CLSTN2: variants seen among roughly 807,000 people sequenced by gnomAD.
The protein encoded by CLSTN2 is calsyntenin-2.
CLSTN2 carries 48 observed loss-of-function variants against 101.2 expected under a neutral mutation model. That is an observed-to-expected ratio of 0.47 (90% CI 0.38 to 0.60). The LOEUF (loss-of-function observed/expected upper bound fraction) is 0.60. CLSTN2 is among the 20% of genes least tolerant of loss of function. The probability of loss-of-function intolerance (pLI) is 0.00; values close to 1 mark genes in which losing one functional copy is unlikely to be tolerated. For missense variants in CLSTN2, 1,160 were observed against 1,238.2 expected (o/e 0.94, Z 0.95); for synonymous variants, 481 against 463.6 (o/e 1.04, Z -0.48).
At chr3:140,544,466 C>T (rs1382333854) in intron 9 of CLSTN2, among the ~76,000 whole-genome samples, 2 of 152,246 alleles carry the variant, frequency 1.3e-5, no homozygotes, top group East Asian at 1.9e-4. Context: ...ACTTCACATT[C>T]GATTCACCTG....
intron 2 of CLSTN2, among the ~76,000 whole-genome samples, chr3:140,379,502 T>C (rs2087955581): frequency 6.6e-6 from 1 of 152,172 alleles, no homozygotes; most frequent in African/African-American, 2.4e-5. Context: ...ACCCCATGAA[T>C]TGGAAGGCTT....
At chr3:140,011,183 C>G (rs1003307824) in intron 1 of CLSTN2, among the ~76,000 whole-genome samples, 12 of 152,166 alleles carry the variant, frequency 7.9e-5, no homozygotes, top group African/African-American at 2.9e-4. Flanking sequence ...AACCTAGAAG[C>G]CTGGTTAGGG....
At chr3:140,074,211 C>T (rs2008444427) in intron 1 of CLSTN2, among the ~76,000 whole-genome samples, 1 of 152,186 alleles carries the variant, frequency 6.6e-6, no homozygotes, top group African/African-American at 2.4e-5. Flanking sequence ...CACCCACTTC[C>T]ACTCAGGGCT....
At chr3:140,199,906 T>C (rs2010696471) in intron 2 of CLSTN2, among the ~76,000 whole-genome samples, 1 of 152,250 alleles carries the variant, frequency 6.6e-6, no homozygotes, top group Admixed American at 6.5e-5. Context: ...AGTGTATGTT[T>C]GAAATTGCAA....
At chr3:140,078,370 A>G (rs2008529177) in intron 1 of CLSTN2, among the ~76,000 whole-genome samples, 1 of 152,178 alleles carries the variant, frequency 6.6e-6, no homozygotes, top group South Asian at 2.1e-4. Flanking sequence ...GGGGGAGATG[A>G]CTGGGGCAGA....
chr3:140,102,155 C>T (rs1219337873), intron 1 of CLSTN2, among the ~76,000 whole-genome samples: 1 of 152,192 alleles, frequency 6.6e-6, no homozygotes. Flanking sequence ...AAACTGCTGT[C>T]TACAGTTGGG....
chr3:140,356,770 A>G (rs1031211202), intron 2 of CLSTN2, among the ~76,000 whole-genome samples: 72 of 151,654 alleles, frequency 4.7e-4, no homozygotes, highest in African/African-American at 1.6e-3. Flanking sequence ...AAAAAAAAAA[A>G]AAAAAGAAAG....
intron 2 of CLSTN2, among the ~76,000 whole-genome samples, chr3:140,249,962 C>A (rs1016364011): frequency 2.0e-5 from 3 of 152,100 alleles, no homozygotes; most frequent in African/African-American, 7.2e-5. Flanking sequence ...TTACAGCTGG[C>A]AGGGAAAGCT....
intron 1 of CLSTN2, among the ~76,000 whole-genome samples, chr3:140,119,643 G>A (rs1197728001): frequency 6.6e-6 from 1 of 152,040 alleles, no homozygotes; most frequent in Non-Finnish European, 1.5e-5. Context: ...CAAGTAGCTG[G>A]GGGTATGGAT....
At position 140,558,770 on chromosome 3, in the gene CLSTN2, A is replaced by G. The variant is rs769064665; in HGVS notation, c.1954A>G (p.Ser652Gly). 11 of 1,613,972 alleles carry G rather than the reference A, an allele frequency of 6.8e-6. No homozygotes were observed. Among genetic ancestry groups the G allele is most frequent in the Non-Finnish European group, 8.5e-6 (10 of 1,179,994 alleles). Reference protein sequence around the residue: ...HFWRPAAQFESARGVTLFPDI... With the variant: ...HFWRPAAQFEGARGVTLFPDI... ...CTGGAGACCTGCTGCCCAGTTTGAA[A>G]GTGCCAGGGGAGTGACCCTCTTCCC... The change falls in exon 12 of 17, where the codon AGT becomes GGT. Residue 652 changes from serine (S) to glycine (G), a missense_variant. Coordinates refer to ENST00000458420, the MANE Select transcript of CLSTN2 (RefSeq NM_022131.3).
At chr3:140,167,730 C>A (rs1157593244) in intron 1 of CLSTN2, among the ~76,000 whole-genome samples, 2 of 152,188 alleles carry the variant, frequency 1.3e-5, no homozygotes, top group Non-Finnish European at 2.9e-5. Flanking sequence ...AAACCCTAGC[C>A]ACTACTGATC....
chr3:140,186,402 T>G lies in CLSTN2; in HGVS notation c.232+10329T>G, dbSNP rs143166013. 4.1e-4 allele frequency among the ~76,000 whole-genome samples: 63 copies of G among 152,298 alleles called. 1 individual carries two copies. Among genetic ancestry groups the G allele is most frequent in the Middle Eastern group, 3.4e-3 (1 of 294 alleles). On this transcript the variant is annotated intron_variant, in intron 2 of 16. Transcript: ENST00000458420. ...TTAATGGTTTTACTTTAATGGGAAT[T>G]TGGGGCCTCTGAAAGTCCTAAATGT...
chr3:140,139,931 T>C (rs1353563071), intron 1 of CLSTN2, among the ~76,000 whole-genome samples: 2 of 152,198 alleles, frequency 1.3e-5, no homozygotes, highest in East Asian at 1.9e-4. Context: ...CAGATGAAGG[T>C]CATTTCTTTG....
intron 2 of CLSTN2, among the ~76,000 whole-genome samples, chr3:140,178,913 G>A (rs968251209): frequency 7.9e-5 from 12 of 152,050 alleles, no homozygotes; most frequent in African/African-American, 2.9e-4. Flanking sequence ...AGCCCAGGAG[G>A]TAGGCTCTAA....
intron 1 of CLSTN2, among the ~76,000 whole-genome samples, chr3:140,080,717 A>G (rs902432425): frequency 4.6e-5 from 7 of 152,076 alleles, no homozygotes; most frequent in African/African-American, 1.7e-4. Flanking sequence ...TCAGCCATCA[A>G]TGAGGACTCC....
At chr3:140,115,838 C>T (rs749227039) in intron 1 of CLSTN2, among the ~76,000 whole-genome samples, 35 of 152,314 alleles carry the variant, frequency 2.3e-4, no homozygotes, top group Admixed American at 9.1e-4. Context: ...TAAAAAGTAG[C>T]TTCCTAGGCT....
chr3:140,088,623 G>A (rs1265517574), intron 1 of CLSTN2, among the ~76,000 whole-genome samples: 1 of 152,016 alleles, frequency 6.6e-6, no homozygotes, highest in East Asian at 1.9e-4. Context: ...TACCACCCCT[G>A]CCCCCTCCTA....
At chr3:140,068,074 C>A (rs1024997243) in intron 1 of CLSTN2, among the ~76,000 whole-genome samples, 1 of 152,166 alleles carries the variant, frequency 6.6e-6, no homozygotes, top group Non-Finnish European at 1.5e-5. Context: ...TCCAAATACT[C>A]CTTGGAAGAT....
chr3:140,447,856 C>T (rs1029299820), intron 5 of CLSTN2, among the ~76,000 whole-genome samples: 5 of 152,188 alleles, frequency 3.3e-5, no homozygotes, highest in African/African-American at 1.2e-4. Context: ...ACAAGTACTA[C>T]AATAAGTATG....
Sources: gnomAD v4.1 joint callset for allele counts (sites outside exome capture counted in the v4.1 genomes callset) on GRCh38, gnomAD v4.1.1 for gene constraint, MANE v1.5 for transcripts, NCBI Gene and HGNC (gene_info 2026-07-23, HGNC 2026-07-21) for gene names.